Variants in GABRG1 observed in about 807,000 individuals in gnomAD.
The protein encoded by GABRG1 is gamma-aminobutyric acid receptor subunit gamma-1.
In GABRG1, 49 loss-of-function variants were observed where a neutral mutation model predicts 49.8. The observed-to-expected ratio is 0.98, with a 90% CI of 0.78 to 1.25. The LOEUF (loss-of-function observed/expected upper bound fraction) is 1.25. Among genes scored for constraint, GABRG1 ranks in the 50% most tolerant of loss-of-function variants. The pLI, the probability that GABRG1 is intolerant of heterozygous loss-of-function variation, is 0.00. For synonymous variants in GABRG1, 232 were observed against 185.1 expected, an observed-to-expected ratio of 1.25 and a Z score of -2.06; for missense variants, 552 against 552.3, an observed-to-expected ratio of 1.00 and a Z score of 0.01.
chr4:46,092,569 A>G (rs530505406), intron 2 of GABRG1, among the ~76,000 whole-genome samples: 1 of 152,158 alleles, frequency 6.6e-6, no homozygotes, highest in South Asian at 2.1e-4. Flanking sequence ...AAAACAGAAA[A>G]CAATAGAAAG....
intron 1 of GABRG1, among the ~76,000 whole-genome samples, chr4:46,101,797 A>C (rs1720388770): frequency 6.6e-6 from 1 of 151,828 alleles, no homozygotes; most frequent in Admixed American, 6.6e-5. Flanking sequence ...TTGCTTGTTA[A>C]GAGTCTGTAA....
Position 46,056,159 on chromosome 4 carries a change from A to T in GABRG1, c.916+2058T>A, listed in dbSNP as rs1484282137. 1.1e-3 allele frequency among the ~76,000 whole-genome samples: 34 copies of T among 32,018 alleles called. 1 individual carries two copies. The highest frequency in any genetic ancestry group is 3.7e-3 in the South Asian group (7 of 1,912). 21.0% of individuals were successfully genotyped at this position (32,018 alleles called of 152,430 possible). A position where few individuals can be genotyped will look rare whatever the true frequency, so the allele number is the denominator to read the frequency against. On this transcript the variant is annotated intron_variant, in intron 7 of 8. Coordinates refer to ENST00000295452, the MANE Select transcript of GABRG1 (RefSeq NM_173536.4). The stretch of plus-strand genomic sequence containing the variant: ...AAAATAAATAAATAAATTAAAAAAA[A>T]AAAAAAAAAAAAAAAAAAAAATAGT...
At chr4:46,096,595 A>G (rs1720170096) in intron 2 of GABRG1, among the ~76,000 whole-genome samples, 2 of 151,660 alleles carry the variant, frequency 1.3e-5, no homozygotes. Context: ...CTCTAACCAG[A>G]AAGAAACCTG....
At chr4:46,097,124 G>T (rs1374305655) in intron 2 of GABRG1, 77 bp downstream of exon 2, 3 of 1,256,450 alleles carry the variant, frequency 2.4e-6, no homozygotes, top group Non-Finnish European at 3.2e-6. Flanking sequence ...CAAGGAATAA[G>T]AAATAATGAT....
At chr4:46,093,997 A>T (rs1028187116) in intron 2 of GABRG1, among the ~76,000 whole-genome samples, 4 of 152,032 alleles carry the variant, frequency 2.6e-5, no homozygotes, top group African/African-American at 7.2e-5. Flanking sequence ...ATTAATGTAG[A>T]TACCAATAAC....
intron 8 of GABRG1, among the ~76,000 whole-genome samples, chr4:46,045,444 T>C (rs1717956768): frequency 6.6e-6 from 1 of 151,322 alleles, no homozygotes; most frequent in South Asian, 2.1e-4. Context: ...AAGGAGAAAA[T>C]AGAAATTAAT....
chr4:46,058,648 G>A (rs1421538282), intron 5 of GABRG1, 26 bp from the exon 6 acceptor site: 2 of 1,580,068 alleles, frequency 1.3e-6, no homozygotes, highest in East Asian at 2.2e-5. Flanking sequence ...ACATAGATTA[G>A]CAAGATCCAA....
chr4:46,087,897 T>C (rs963342364), intron 2 of GABRG1, among the ~76,000 whole-genome samples: 1 of 152,002 alleles, frequency 6.6e-6, no homozygotes, highest in Non-Finnish European at 1.5e-5. Flanking sequence ...TAGGGATAAG[T>C]AGATTCTTAA....
intron 5 of GABRG1, among the ~76,000 whole-genome samples, chr4:46,061,799 TAA>T (rs1718686739): frequency 6.9e-6 from 1 of 145,452 alleles, no homozygotes; most frequent in Non-Finnish European, 1.5e-5. Context: ...AGAAATAGCA[TAA>T]GTTACCACTT....
Position 46,085,827 on chromosome 4 carries a change from T to C in GABRG1, c.254-1774A>G, listed in dbSNP as rs146848685. Among the ~76,000 whole-genome samples the C allele has an allele frequency of 2.2e-4, 33 of 151,714 alleles. No individual in the cohort carries two copies. The East Asian group carries it at 2.7e-3, about 12-fold the overall frequency. On this transcript the variant is annotated intron_variant, in intron 2 of 8. Transcript: ENST00000295452. ...GTACTCTTTCTTAGCACTATGATTT[T>C]CTCAATCCAAAGTTTATTCAATTGC...
At chr4:46,105,387 T>C (rs1720500851) in intron 1 of GABRG1, among the ~76,000 whole-genome samples, 1 of 151,492 alleles carries the variant, frequency 6.6e-6, no homozygotes, top group South Asian at 2.1e-4. Flanking sequence ...TACAGACAAA[T>C]ATAAACACTA....
At chr4:46,079,809 C>T (rs78450532) in intron 3 of GABRG1, among the ~76,000 whole-genome samples, 97 of 151,970 alleles carry the variant, frequency 6.4e-4, no homozygotes, top group African/African-American at 2.3e-3. Context: ...GGGTACCCAA[C>T]ACCGTGAGAT....
At position 46,037,077 on chromosome 4, in the gene GABRG1, A is replaced by G. The variant is rs1288846374; in HGVS notation, c.*3911T>C. ...GCATCTCTAAACACATATCCTCCAC[A>G]AAACCTTCCCAAAGTTATCCTCCCT... On this transcript the variant is annotated 3_prime_UTR_variant, in exon 9 of 9. Transcript: ENST00000295452. The G allele has an allele frequency of 6.6e-6, 1 of 151,818 alleles. No individual in the cohort carries two copies. The highest frequency in any genetic ancestry group is 1.5e-5 in the Non-Finnish European group (1 of 67,848). 9.4% of individuals were successfully genotyped at this position (151,818 alleles called of 1,614,324 possible).
In GABRG1 at chr4:46,041,203, A is replaced by T. The variant is rs1012884769; in HGVS notation, c.1183T>A (p.Ser395Thr). Residue 395 changes from serine to threonine, a missense_variant, in exon 9 of 9, where the codon TCT becomes ACT. By Grantham distance (58) the Ser-to-Thr change is moderately conservative. Transcript: ENST00000295452. The part of the protein sequence containing the change: ...GSTLIPMNNI[S>T]VPQEDDYGYQ... ...CCATAATCATCTTCTTGCGGCACAG[A>T]AATATTATTCATTGGAATCAGAGTG... is the stretch of plus-strand genomic sequence containing the variant. 1 of 1,612,932 alleles carries T rather than the reference A, an allele frequency of 6.2e-7. No homozygotes were observed. Among genetic ancestry groups the T allele is most frequent in the Non-Finnish European group, 8.5e-7 (1 of 1,179,266 alleles).
intron 6 of GABRG1, 50 bp from the exon 7 acceptor site, chr4:46,058,419 C>A: frequency 6.3e-7 from 1 of 1,592,416 alleles, no homozygotes. Flanking sequence ...AATCACAATC[C>A]ATATATTTAA....
chr4:46,118,106 A>G lies in GABRG1; in HGVS notation c.104+5704T>C, dbSNP rs28613829. 7.3e-5 allele frequency among the ~76,000 whole-genome samples: 10 copies of G among 136,472 alleles called. 2 individuals are homozygous for G. Among genetic ancestry groups the G allele is most frequent in the African/African-American group, 2.2e-4 (7 of 31,834 alleles). 89.5% of individuals were successfully genotyped at this position (136,472 alleles called of 152,430 possible). On this transcript the variant is annotated intron_variant, in intron 1 of 8. Transcript: ENST00000295452. ...TATACATATGTATACATATGTGTGTATATATACATATATACGTGTGTGTGT... is the reference window on the plus strand; with the variant it reads ...TATACATATGTATACATATGTGTGTGTATATACATATATACGTGTGTGTGT...
chr4:46,117,886 C>A (rs868547631), intron 1 of GABRG1, among the ~76,000 whole-genome samples: 19 of 19,572 alleles, frequency 9.7e-4, no homozygotes, highest in African/African-American at 7.6e-3. Flanking sequence ...ACATGTGTAT[C>A]TATATACATA....
chr4:46,068,158 G>T (rs1718987647), intron 3 of GABRG1, among the ~76,000 whole-genome samples: 1 of 152,068 alleles, frequency 6.6e-6, no homozygotes, highest in Non-Finnish European at 1.5e-5. Context: ...CTCTACTATG[G>T]TAAACTAAAT....
chr4:46,070,045 T>C (rs1410629284), intron 3 of GABRG1, among the ~76,000 whole-genome samples: 2 of 151,942 alleles, frequency 1.3e-5, no homozygotes, highest in Non-Finnish European at 2.9e-5. Flanking sequence ...GCAAGCCATA[T>C]ATAATGAAAA....
Sources: allele counts gnomAD v4.1 joint callset (sites outside exome capture counted in the v4.1 genomes callset), GRCh38; gene constraint gnomAD v4.1.1; transcripts MANE v1.5; gene names NCBI Gene and HGNC (gene_info 2026-07-23, HGNC 2026-07-21).